The following NINJ2 variants were observed in gnomAD, a reference collection of about 807,000 sequenced individuals.
NINJ2 encodes the protein ninjurin 2, also known as ninjurin-2.
Under a neutral mutation model 11.7 loss-of-function variants are expected in NINJ2, and 12 were observed. The ratio of observed to expected loss-of-function variants is 1.02; its 90% confidence interval spans 0.66 to 1.66. NINJ2 has a LOEUF of 1.66. NINJ2 is among the 40% of genes most tolerant of loss of function. The pLI, the probability that NINJ2 is intolerant of heterozygous loss-of-function variation, is 0.00. For synonymous variants in NINJ2, 93 were observed against 76.8 expected (o/e 1.21, Z -1.10); for missense variants, 187 against 181.8 (o/e 1.03, Z -0.16).
At chr12:622,300 C>T (rs1948161867) in intron 1 of NINJ2, among the ~76,000 whole-genome samples, 1 of 147,820 alleles carries the variant, frequency 6.8e-6, no homozygotes, top group Non-Finnish European at 1.5e-5. Context: ...GTCCCAGCTA[C>T]TCAGGAGGCT....
intron 2 of NINJ2, chr12:565,669 A>G (rs746600014): frequency 1.8e-5 from 11 of 612,310 alleles, no homozygotes; most frequent in Non-Finnish European, 2.9e-5. Flanking sequence ...AGAAGCGGTG[A>G]GCGAGTGAGT....
intron 1 of NINJ2, among the ~76,000 whole-genome samples, chr12:625,260 G>T (rs1186035648): frequency 6.6e-6 from 1 of 152,132 alleles, no homozygotes; most frequent in Non-Finnish European, 1.5e-5. Context: ...GGTAGGAATG[G>T]TATGCCAAGA....
At chr12:600,668 GTGTGT>G (rs1947855212) in intron 1 of NINJ2, among the ~76,000 whole-genome samples, 1 of 65,496 alleles carries the variant, frequency 1.5e-5, no homozygotes, top group African/African-American at 3.6e-5. Context: ...GTGTGTGTGT[GTGTGT>G]GTGTGTGTGT....
chr12:611,219 T>TTC (rs1445866231), intron 1 of NINJ2, among the ~76,000 whole-genome samples: 2 of 132,770 alleles, frequency 1.5e-5, no homozygotes, highest in Admixed American at 8.3e-5. Flanking sequence ...CCCTCTTTCT[T>TTC]TCTTTCTTTT....
intron 1 of NINJ2, chr12:643,161 C>A (rs6489690): frequency 0.95 from 147,614 of 154,758 alleles, 70,807 homozygotes; most frequent in East Asian, 1. Flanking sequence ...GTCCCCCTGC[C>A]GCTGCCCAAG....
intron 1 of NINJ2, among the ~76,000 whole-genome samples, chr12:658,712 T>C (rs1937911150): frequency 1.0e-5 from 1 of 96,776 alleles, no homozygotes; most frequent in Non-Finnish European, 2.4e-5. Flanking sequence ...TATGCTATGC[T>C]ATGCTATGCT....
chr12:587,250 G>A (rs976766111), intron 1 of NINJ2, among the ~76,000 whole-genome samples: 25 of 152,114 alleles, frequency 1.6e-4, no homozygotes, highest in Admixed American at 4.6e-4. Context: ...CAAACGGGGA[G>A]GTCTGCATCC....
chr12:598,128 C>A (rs936257592), intron 1 of NINJ2, among the ~76,000 whole-genome samples: 1 of 152,208 alleles, frequency 6.6e-6, no homozygotes, highest in African/African-American at 2.4e-5. Flanking sequence ...ACTGCTCACT[C>A]ACACAATCGT....
At chr12:646,686 G>A (rs1382876662) in intron 1 of NINJ2, among the ~76,000 whole-genome samples, 1 of 152,210 alleles carries the variant, frequency 6.6e-6, no homozygotes, top group South Asian at 2.1e-4. Context: ...TGCAGCTGAA[G>A]AGGAAAGGTC....
At chr12:565,172 C>T in intron 3 of NINJ2, 45 bp downstream of exon 3, 1 of 1,508,156 alleles carries the variant, frequency 6.6e-7, no homozygotes, top group South Asian at 1.3e-5. Flanking sequence ...AGAGAAGGGC[C>T]ACCTGGGGAG....
intron 1 of NINJ2, among the ~76,000 whole-genome samples, chr12:583,459 G>A (rs1947587487): frequency 6.6e-6 from 1 of 152,260 alleles, no homozygotes; most frequent in Admixed American, 6.5e-5. Flanking sequence ...TTCACAGCCT[G>A]AGGCTGCCAC....
At chr12:662,881 G>A (rs572559350) in intron 1 of NINJ2, among the ~76,000 whole-genome samples, 4 of 152,258 alleles carry the variant, frequency 2.6e-5, no homozygotes, top group African/African-American at 7.2e-5. Context: ...GCCGAGAAAC[G>A]GCTCAAGTTT....
intron 1 of NINJ2, among the ~76,000 whole-genome samples, chr12:653,018 CTTTTTTTTT>C (rs377056940): frequency 1.0e-5 from 1 of 96,220 alleles, no homozygotes; most frequent in Non-Finnish European, 1.9e-5. Context: ...TATTTTGTTT[CTTTTTTTTT>C]TTTTTTTTTT....
intron 1 of NINJ2, among the ~76,000 whole-genome samples, chr12:655,972 A>T (rs1048469164): frequency 1.2e-4 from 18 of 152,118 alleles, no homozygotes; most frequent in Non-Finnish European, 2.6e-4. Flanking sequence ...TAGATATTCC[A>T]TGTTTATGGA....
At chr12:572,621 C>A (rs2120801231) in intron 1 of NINJ2, among the ~76,000 whole-genome samples, 1 of 152,312 alleles carries the variant, frequency 6.6e-6, no homozygotes, top group South Asian at 2.1e-4. Flanking sequence ...GCTCTCAGCA[C>A]ACTGGAACGA....
chr12:595,717 C>T (rs1156476359), intron 1 of NINJ2, among the ~76,000 whole-genome samples: 1 of 152,028 alleles, frequency 6.6e-6, no homozygotes, highest in East Asian at 1.9e-4. Flanking sequence ...CATGCCATTG[C>T]ACTCCAGCCT....
chr12:598,930 G>A (rs1351600079), intron 1 of NINJ2, among the ~76,000 whole-genome samples: 1 of 151,740 alleles, frequency 6.6e-6, no homozygotes, highest in East Asian at 2.0e-4. Context: ...GAACTCCTGG[G>A]CTCAAGTGAT....
intron 1 of NINJ2, among the ~76,000 whole-genome samples, chr12:623,315 C>A (rs528036303): frequency 6.6e-6 from 1 of 152,296 alleles, no homozygotes; most frequent in Admixed American, 6.5e-5. Flanking sequence ...TAGGAAGGAT[C>A]TCCCAGCCTC....
intron 1 of NINJ2, among the ~76,000 whole-genome samples, chr12:620,227 CA>C (rs1948136618): frequency 2.0e-5 from 3 of 152,260 alleles, no homozygotes; most frequent in Admixed American, 1.3e-4. Flanking sequence ...CATCTCTTGA[CA>C]TAGTCAAGAG....
Sources: gnomAD v4.1 joint callset for allele counts (sites outside exome capture counted in the v4.1 genomes callset) on GRCh38, gnomAD v4.1.1 for gene constraint, MANE v1.5 for transcripts, NCBI Gene and HGNC (gene_info 2026-07-23, HGNC 2026-07-21) for gene names.